The following ZNF565 variants were observed in gnomAD, a reference collection of about 807,000 sequenced individuals.
The protein encoded by ZNF565 is zinc finger protein 565.
In ZNF565, 27 loss-of-function variants were observed where a neutral mutation model predicts 39.4. The observed-to-expected ratio is 0.69, with a 90% CI of 0.51 to 0.95. The LOEUF (loss-of-function observed/expected upper bound fraction) is 0.95, where lower values mean the gene tolerates loss of function less well. Among genes scored for constraint, ZNF565 ranks in the 40% least tolerant of loss-of-function variants. The pLI, the probability that ZNF565 is intolerant of heterozygous loss-of-function variation, is 0.00. For missense variants in ZNF565, 524 were observed against 621.1 expected (o/e 0.84, Z 1.66); for synonymous variants, 185 against 216.6 (o/e 0.85, Z 1.28).
intron 1 of ZNF565, among the ~76,000 whole-genome samples, chr19:36,239,118 G>A (rs1678348333): frequency 6.6e-6 from 1 of 151,990 alleles, no homozygotes; most frequent in African/African-American, 2.4e-5. Flanking sequence ...AAAAAGGTTG[G>A]GGACCGCTGC....
intron 4 of ZNF565, among the ~76,000 whole-genome samples, chr19:36,193,566 G>A (rs892593798): frequency 2.7e-5 from 4 of 146,438 alleles, no homozygotes; most frequent in Non-Finnish European, 6.0e-5. Flanking sequence ...TCAGCCTCCC[G>A]AGTAGCTGGA....
chr19:36,190,775 T>C (rs1975504769), intron 4 of ZNF565, among the ~76,000 whole-genome samples: 1 of 151,822 alleles, frequency 6.6e-6, no homozygotes. Flanking sequence ...GTGGATCACT[T>C]GAGGTCAGGA....
chr19:36,226,097 A>G (rs957783794), intron 1 of ZNF565, among the ~76,000 whole-genome samples: 1 of 152,182 alleles, frequency 6.6e-6, no homozygotes. Flanking sequence ...CTGTGTCTTC[A>G]GCAGCAGTAA....
At chr19:36,200,227 T>C (rs528057552) in intron 2 of ZNF565, among the ~76,000 whole-genome samples, 8 of 152,028 alleles carry the variant, frequency 5.3e-5, no homozygotes, top group Admixed American at 2.0e-4. Flanking sequence ...AGTTTCATCA[T>C]GTTGGTCAGG....
chr19:36,244,357 T>C (rs1977845408), intron 1 of ZNF565, among the ~76,000 whole-genome samples: 1 of 107,680 alleles, frequency 9.3e-6, no homozygotes, highest in East Asian at 2.5e-4. Context: ...AAGACCAGTG[T>C]GGTCAAAATG....
chr19:36,241,652 C>T (rs572342984), intron 1 of ZNF565, among the ~76,000 whole-genome samples: 2 of 150,552 alleles, frequency 1.3e-5, no homozygotes, highest in Admixed American at 6.6e-5. Flanking sequence ...ATTAGCTGGG[C>T]GTGGTAGTGG....
At chr19:36,191,400 C>T (rs1184678545) in intron 4 of ZNF565, among the ~76,000 whole-genome samples, 4 of 150,570 alleles carry the variant, frequency 2.7e-5, no homozygotes, top group Non-Finnish European at 5.9e-5. Context: ...CTCTCAGCTA[C>T]CTCTGCCTCC....
chr19:36,192,049 C>T (rs977606002), intron 4 of ZNF565, among the ~76,000 whole-genome samples: 7 of 146,922 alleles, frequency 4.8e-5, no homozygotes, highest in South Asian at 2.1e-4. Flanking sequence ...AGTGCAGTGG[C>T]GTGATCTTGG....
intron 1 of ZNF565, among the ~76,000 whole-genome samples, chr19:36,205,117 C>T (rs1308357712): frequency 1.3e-5 from 2 of 152,180 alleles, no homozygotes; most frequent in African/African-American, 4.8e-5. Flanking sequence ...CCAATAAATA[C>T]AGGCTGATGC....
upstream of ZNF565, among the ~76,000 whole-genome samples, chr19:36,215,473 G>A (rs185796991): frequency 8.9e-4 from 135 of 152,166 alleles, no homozygotes; most frequent in African/African-American, 3.1e-3. Context: ...CCAGCATTGA[G>A]GTATAACGTT....
chr19:36,188,397 C>CA (rs1007768532), intron 4 of ZNF565, among the ~76,000 whole-genome samples: 7 of 150,116 alleles, frequency 4.7e-5, no homozygotes, highest in Non-Finnish European at 7.4e-5. Context: ...AAATTAAAAA[C>CA]AAAAAACAAA....
intron 4 of ZNF565, among the ~76,000 whole-genome samples, chr19:36,184,071 C>G (rs1440407242): frequency 8.3e-5 from 7 of 84,462 alleles, no homozygotes; most frequent in African/African-American, 3.3e-4. Flanking sequence ...GAGCAAGACT[C>G]TGTCTCATAA....
In ZNF565 at chr19:36,245,626, C is replaced by T. The variant is rs2029892775; in HGVS notation, c.-96G>A. ...AGCCTCCCAGCTTCGAGGCTACCAC[C>T]TGCCCGAATTGGTGCTTTGGCAGAG... is the stretch of plus-strand genomic sequence containing the variant. On this transcript the variant is annotated 5_prime_UTR_variant, in exon 1 of 5. Coordinates refer to the ZNF565 transcript ENST00000355114. This position sits in a 1 kb window ranked among gnomAD's most constrained non-coding sequence, Gnocchi z 4.4. 1.4e-6 allele frequency: 1 copy of T among 698,480 alleles called. No individual in the cohort carries two copies. The highest frequency in any genetic ancestry group is 2.7e-5 in the East Asian group (1 of 37,252). The allele number at this position is 698,480 out of a possible 1,614,324, so 43.3% of individuals were successfully genotyped here. A position where few individuals can be genotyped will look rare whatever the true frequency, so the allele number is the denominator to read the frequency against.
intron 1 of ZNF565, among the ~76,000 whole-genome samples, chr19:36,220,033 G>A (rs1599958672): frequency 6.6e-6 from 1 of 152,196 alleles, no homozygotes; most frequent in Admixed American, 6.5e-5. Flanking sequence ...TACCCCTTCA[G>A]GTCATTCTTG....
chr19:36,241,781 C>CAAAAAA (rs57036778), intron 1 of ZNF565, among the ~76,000 whole-genome samples: 1 of 79,744 alleles, frequency 1.3e-5, no homozygotes. Context: ...AGAAGAGTGT[C>CAAAAAA]AAAAAAAAAA....
intron 4 of ZNF565, among the ~76,000 whole-genome samples, chr19:36,187,825 A>G (rs1326422274): frequency 6.8e-6 from 1 of 147,844 alleles, no homozygotes; most frequent in Non-Finnish European, 1.5e-5. Context: ...CTTTTAGTAG[A>G]GAAGGGGTTT....
chr19:36,192,316 T>C (rs749506915), intron 4 of ZNF565, among the ~76,000 whole-genome samples: 2 of 152,158 alleles, frequency 1.3e-5, no homozygotes, highest in Non-Finnish European at 2.9e-5. Context: ...CATGTTGATG[T>C]CTGATATGTG....
intron 1 of ZNF565, chr19:36,203,336 CAAAAAAAAAAA>C (rs34808722): frequency 1.1e-5 from 1 of 88,996 alleles, no homozygotes; most frequent in African/African-American, 4.4e-5. Flanking sequence ...AACTCTGTCT[CAAAAAAAAAAA>C]AAAAAAAAGA....
At chr19:36,185,970 G>A (rs978283596) in intron 4 of ZNF565, among the ~76,000 whole-genome samples, 7 of 151,394 alleles carry the variant, frequency 4.6e-5, no homozygotes, top group South Asian at 2.1e-4. Flanking sequence ...CTGGGATTAC[G>A]GGCGTTTGCC....
Sources: allele counts gnomAD v4.1 joint callset (sites outside exome capture counted in the v4.1 genomes callset), GRCh38; gene constraint gnomAD v4.1.1; non-coding constraint Gnocchi (gnomAD v3.1); transcripts MANE v1.5; gene names NCBI Gene and HGNC (gene_info 2026-07-23, HGNC 2026-07-21).